Variants in ITPK1 observed in about 807,000 individuals in gnomAD.
ITPK1 encodes the protein inositol 1,3,4-trisphosphate 5/6-kinase.
A neutral mutation model predicts 45.3 loss-of-function variants in ITPK1; 21 were observed. The ratio of observed to expected loss-of-function variants is 0.46; its 90% CI spans 0.33 to 0.67. ITPK1 has a LOEUF of 0.67. ITPK1 is among the 30% of genes least tolerant of loss of function. The pLI is 0.02. For synonymous variants in ITPK1, 258 were observed against 253.6 expected (o/e 1.02, Z -0.16); for missense variants, 474 against 573.5 (o/e 0.83, Z 1.77).
chr14:92,967,437 A>G (rs1466476391), intron 5 of ITPK1, among the ~76,000 whole-genome samples: 1 of 152,256 alleles, frequency 6.6e-6, no homozygotes, highest in East Asian at 1.9e-4. Flanking sequence ...GGGTATGGAA[A>G]AAATTCCAAC....
intron 3 of ITPK1, chr14:93,069,614 C>T (rs1190613154): frequency 6.5e-6 from 1 of 153,338 alleles, no homozygotes; most frequent in Non-Finnish European, 1.5e-5. Context: ...CAGGCCTGCC[C>T]TGCCCCTGGG....
At chr14:93,022,171 A>G (rs1378739958) in intron 3 of ITPK1, among the ~76,000 whole-genome samples, 1 of 152,196 alleles carries the variant, frequency 6.6e-6, no homozygotes, top group Non-Finnish European at 1.5e-5. Context: ...CGTTCCCAAC[A>G]CTGGGTGCTG....
At chr14:92,945,628 G>A (rs1165515550) in intron 10 of ITPK1, among the ~76,000 whole-genome samples, 1 of 152,208 alleles carries the variant, frequency 6.6e-6, no homozygotes, top group African/African-American at 2.4e-5. Context: ...ACTGAGCCTT[G>A]GTGTCCCCAG....
At chr14:92,952,084 CA>C in intron 8 of ITPK1, 71 bp from the exon 9 acceptor site, 1 of 1,224,910 alleles carries the variant, frequency 8.2e-7, no homozygotes. Flanking sequence ...CACCTGACAC[CA>C]GGGGGCAGCA....
chr14:92,945,980 C>A (rs1887664849), intron 10 of ITPK1, among the ~76,000 whole-genome samples: 1 of 152,224 alleles, frequency 6.6e-6, no homozygotes, highest in Non-Finnish European at 1.5e-5. Context: ...ATGTAAACTG[C>A]AGGGGGCTGT....
intron 2 of ITPK1, among the ~76,000 whole-genome samples, chr14:93,092,329 C>T (rs1310621892): frequency 6.6e-6 from 1 of 152,190 alleles, no homozygotes; most frequent in Non-Finnish European, 1.5e-5. Context: ...CCTCCTGACC[C>T]CCAGACCTGA....
At chr14:93,107,710 G>C (rs1455161586) in intron 2 of ITPK1, among the ~76,000 whole-genome samples, 1 of 152,188 alleles carries the variant, frequency 6.6e-6, no homozygotes, top group African/African-American at 2.4e-5. Context: ...ACGCTCCACG[G>C]CTCCACGGGA....
At chr14:92,974,438 G>A (rs1246113150) in intron 5 of ITPK1, among the ~76,000 whole-genome samples, 1 of 152,214 alleles carries the variant, frequency 6.6e-6, no homozygotes, top group East Asian at 1.9e-4. Flanking sequence ...GAAAATCTAT[G>A]ACAGCCCTGC....
At chr14:93,069,924 G>T (rs114322411) in intron 3 of ITPK1, 8 of 152,218 alleles carry the variant, frequency 5.3e-5, no homozygotes, top group Non-Finnish European at 2.9e-5. Context: ...TCACTCATTC[G>T]CAAGCCGGGA....
intron 5 of ITPK1, among the ~76,000 whole-genome samples, chr14:92,971,902 C>T (rs903600538): frequency 6.6e-6 from 1 of 152,178 alleles, no homozygotes; most frequent in African/African-American, 2.4e-5. Context: ...GTGCCTGGTA[C>T]CCACCAGCAC....
At chr14:92,962,654 A>G in intron 6 of ITPK1, 97 bp downstream of exon 6, 1 of 951,060 alleles carries the variant, frequency 1.1e-6, no homozygotes, top group Non-Finnish European at 1.7e-6. Context: ...TCCTCGGGTG[A>G]GCTTAAATCC....
At chr14:92,985,908 C>T (rs1886464294) in intron 5 of ITPK1, among the ~76,000 whole-genome samples, 1 of 151,978 alleles carries the variant, frequency 6.6e-6, no homozygotes, top group African/African-American at 2.4e-5. Context: ...CCCCATTTTA[C>T]AGATAGGAAA....
chr14:93,019,693 C>T lies in ITPK1; in HGVS notation c.121-2892G>A, dbSNP rs117095766. On this transcript the variant is annotated intron_variant, in intron 3 of 10. Transcript: ENST00000267615. ...CCCTGAACACACTGCAAACAGGCTG[C>T]GGTCTCCCTCCACTAGCTAGAAAAG... is the stretch of plus-strand genomic sequence containing the variant. Among the ~76,000 whole-genome samples the T allele has an allele frequency of 9.7e-3, 1,474 of 152,240 alleles. 11 individuals are homozygous for T. The highest frequency in any genetic ancestry group is 0.016 in the Non-Finnish European group (1,108 of 68,008).
chr14:93,047,281 G>A lies in ITPK1; in HGVS notation c.120+29314C>T, dbSNP rs1232976671. Among the ~76,000 whole-genome samples, 5 of 152,192 alleles carry A rather than the reference G, an allele frequency of 3.3e-5. No individual in the cohort carries two copies. In the East Asian group the frequency reaches 9.6e-4, roughly 29 times the overall value. On this transcript the variant is annotated intron_variant, in intron 3 of 10. Transcript: ENST00000267615. ...GGGGTGGGCAAGTGATACAGTCCTG[G>A]CCAGCTAGAGTATCATGTCATCCAG...
In ITPK1 at chr14:92,939,996, G is replaced by T; in HGVS notation, c.*1565C>A. ...ACATTAATCGGGGTTCAAAACTCAA[G>T]TCGTGTAAACGTGGTTAGTTGTTGG... On this transcript the variant is annotated 3_prime_UTR_variant, in exon 11 of 11. Coordinates refer to ENST00000267615, the MANE Select transcript of ITPK1 (RefSeq NM_014216.6). 1.0e-6 allele frequency: 1 copy of T among 985,884 alleles called. No individual in the cohort carries two copies. The highest frequency in any genetic ancestry group is 1.2e-6 in the Non-Finnish European group (1 of 829,950). The allele number at this position is 985,884 out of a possible 1,614,324, so 61.1% of individuals were successfully genotyped here. A position where few individuals can be genotyped will look rare whatever the true frequency, so the allele number is the denominator to read the frequency against.
intron 3 of ITPK1, among the ~76,000 whole-genome samples, chr14:93,075,353 AAAAAAAAAG>A (rs1566771950): frequency 2.0e-4 from 28 of 140,516 alleles, no homozygotes; most frequent in African/African-American, 7.8e-4. Context: ...AAAAAAAAAA[AAAAAAAAAG>A]GAAGAGAAAA....
Position 92,940,361 on chromosome 14 carries a change from G to C in ITPK1, c.*1200C>G. The C allele has an allele frequency of 1.0e-6, 1 of 1,004,396 alleles. No individual in the cohort carries two copies. The highest frequency in any genetic ancestry group is 5.5e-5 in the Admixed American group (1 of 18,142). 62.2% of individuals were successfully genotyped at this position (1,004,396 alleles called of 1,614,324 possible). On this transcript the variant is annotated 3_prime_UTR_variant, in exon 11 of 11. Coordinates refer to ENST00000267615, the MANE Select transcript of ITPK1 (RefSeq NM_014216.6). ...CTCCCCAACCCTTTTCTCTGCAGAG[G>C]GGGCTGCCTGGATCAGGGGTCAGAC...
At chr14:93,079,853 T>C (rs1265822739) in intron 2 of ITPK1, among the ~76,000 whole-genome samples, 5 of 152,168 alleles carry the variant, frequency 3.3e-5, no homozygotes, top group African/African-American at 1.2e-4. Context: ...AATCAGAGCA[T>C]TGGTTGTCAA....
At chr14:92,965,555 C>T (rs1056330699) in intron 5 of ITPK1, among the ~76,000 whole-genome samples, 1 of 152,202 alleles carries the variant, frequency 6.6e-6, no homozygotes, top group African/African-American at 2.4e-5. Flanking sequence ...ACCATCTCTA[C>T]TTGCAGATAA....
Sources: allele counts gnomAD v4.1 joint callset (sites outside exome capture counted in the v4.1 genomes callset), GRCh38; gene constraint gnomAD v4.1.1; transcripts MANE v1.5; gene names NCBI Gene and HGNC (gene_info 2026-07-23, HGNC 2026-07-21).